Variants in RYR3 observed in about 807,000 individuals in gnomAD.
The protein encoded by RYR3 is brain ryanodine receptor-calcium release channel.
A neutral mutation model predicts 584.3 loss-of-function variants in RYR3; 207 were observed. The observed-to-expected ratio is 0.35, with a 90% CI of 0.32 to 0.40. The LOEUF (loss-of-function observed/expected upper bound fraction) is 0.40, where lower values mean the gene tolerates loss of function less well. RYR3 is among the 10% of genes least tolerant of loss of function. The pLI, the probability that RYR3 is intolerant of heterozygous loss-of-function variation, is 1.00. For synonymous variants in RYR3, 2,416 were observed against 2,248.5 expected, an observed-to-expected ratio of 1.07 and a Z score of -2.11; for missense variants, 5,616 against 6,089.2, an observed-to-expected ratio of 0.92 and a Z score of 2.59.
chr15:33,764,454 CA>C (rs2152874772), intron 60 of RYR3, among the ~76,000 whole-genome samples: 1 of 152,026 alleles, frequency 6.6e-6, no homozygotes, highest in South Asian at 2.1e-4. Context: ...GGAGGGATAG[CA>C]TTAGGAGAAA....
intron 1 of RYR3, among the ~76,000 whole-genome samples, chr15:33,407,523 C>T (rs1230722339): frequency 2.6e-5 from 4 of 152,122 alleles, no homozygotes; most frequent in African/African-American, 9.7e-5. Context: ...TGCCAGATCA[C>T]CTGGGGCCTT....
chr15:33,595,443 A>C (rs192455627), intron 16 of RYR3, among the ~76,000 whole-genome samples: 1 of 152,180 alleles, frequency 6.6e-6, no homozygotes, highest in African/African-American at 2.4e-5. Flanking sequence ...ACAGGGGTCC[A>C]TATACTGGTT....
intron 1 of RYR3, among the ~76,000 whole-genome samples, chr15:33,408,015 T>C (rs1466956294): frequency 6.6e-6 from 1 of 152,070 alleles, no homozygotes; most frequent in Non-Finnish European, 1.5e-5. Context: ...ACTTGAATTT[T>C]TTTTTTTTCC....
In RYR3 at chr15:33,412,017, C is replaced by T. The variant is rs1354605630; in HGVS notation, c.52-61402C>T. 1.3e-5 allele frequency among the ~76,000 whole-genome samples: 2 copies of T among 152,168 alleles called. No homozygotes were observed. ...TTGTCTGTCAAGAAATCTCATATTACTGTGAAGGTAATATCCAACTTAGGT... is the reference window on the plus strand; with the variant it reads ...TTGTCTGTCAAGAAATCTCATATTATTGTGAAGGTAATATCCAACTTAGGT... On this transcript the variant is annotated intron_variant, in intron 1 of 103. Coordinates refer to ENST00000634891, the MANE Select transcript of RYR3 (RefSeq NM_001036.6). This position sits in a 1 kb window ranked among gnomAD's most constrained non-coding sequence, Gnocchi z 4.3.
intron 29 of RYR3, 95 bp from the exon 30 acceptor site, chr15:33,647,329 T>C: frequency 4.2e-6 from 4 of 963,506 alleles, no homozygotes; most frequent in Non-Finnish European, 3.3e-6. Context: ...TTCCTAAACT[T>C]GACTTGATCA....
rs114503170 is a variant in RYR3 at position 33,488,050 on chromosome 15, A to G, written c.171+14512A>G. Among the ~76,000 whole-genome samples, 757 of 152,340 alleles carry G rather than the reference A, an allele frequency of 5.0e-3. 4 individuals are homozygous for G. Among genetic ancestry groups the G allele is most frequent in the African/African-American group, 0.017 (713 of 41,568 alleles). On this transcript the variant is annotated intron_variant, in intron 2 of 103. Transcript: ENST00000634891. ...TGTTGAACCCATAGTAGAAAAGAAA[A>G]AAACATCCACCTTTTAACTCTGAGA...
chr15:33,721,571 A>G (rs78068736), intron 43 of RYR3, among the ~76,000 whole-genome samples: 2 of 152,340 alleles, frequency 1.3e-5, no homozygotes, highest in East Asian at 3.9e-4. Flanking sequence ...TCAAGCTTCC[A>G]GTACATAACA....
intron 1 of RYR3, among the ~76,000 whole-genome samples, chr15:33,381,487 T>C (rs2041187282): frequency 6.6e-6 from 1 of 152,212 alleles, no homozygotes; most frequent in African/African-American, 2.4e-5. Context: ...CCCTGCTGTC[T>C]GTCCTCCACT....
chr15:33,411,660 T>C (rs1038720893), intron 1 of RYR3, among the ~76,000 whole-genome samples: 1 of 152,228 alleles, frequency 6.6e-6, no homozygotes, highest in African/African-American at 2.4e-5. Context: ...CCACTTCCAC[T>C]TCCCCTTAGG....
intron 67 of RYR3, among the ~76,000 whole-genome samples, chr15:33,792,919 C>T (rs1226282396): frequency 1.3e-5 from 2 of 152,272 alleles, no homozygotes; most frequent in Admixed American, 1.3e-4. Context: ...ACAGTAACTA[C>T]GCAGAGTTAG....
intron 1 of RYR3, among the ~76,000 whole-genome samples, chr15:33,388,686 A>G (rs2041794866): frequency 6.6e-6 from 1 of 152,210 alleles, no homozygotes. Flanking sequence ...TCATCATTAT[A>G]TAGACACTGT....
chr15:33,632,220 C>G (rs139952209), intron 23 of RYR3, among the ~76,000 whole-genome samples: 2 of 152,360 alleles, frequency 1.3e-5, no homozygotes, highest in East Asian at 3.9e-4. Context: ...TGGCCCTGGC[C>G]TAGGCAGTCA....
At chr15:33,642,639 T>C (rs1296870820) in intron 27 of RYR3, among the ~76,000 whole-genome samples, 2 of 152,242 alleles carry the variant, frequency 1.3e-5, no homozygotes, top group Non-Finnish European at 2.9e-5. Context: ...TATTCTACAC[T>C]GTAATCAGAT....
chr15:33,352,493 A>G (rs1042344312), intron 1 of RYR3, among the ~76,000 whole-genome samples: 13 of 152,140 alleles, frequency 8.5e-5, no homozygotes, highest in African/African-American at 2.9e-4. Context: ...CAAGCCCACC[A>G]CACTCTGGAG....
chr15:33,679,378 T>A (rs1023366788), intron 38 of RYR3, among the ~76,000 whole-genome samples: 2 of 152,216 alleles, frequency 1.3e-5, no homozygotes, highest in African/African-American at 4.8e-5. Context: ...ACTGGAATTT[T>A]GAGATTTTAT....
chr15:33,859,322 C>T (rs1308165698), intron 99 of RYR3, among the ~76,000 whole-genome samples: 2 of 152,248 alleles, frequency 1.3e-5, no homozygotes, highest in African/African-American at 2.4e-5. Context: ...AACTTATATA[C>T]ACCTTTAATG....
At chr15:33,574,345 A>T (rs1465980913) in intron 12 of RYR3, among the ~76,000 whole-genome samples, 2 of 152,216 alleles carry the variant, frequency 1.3e-5, no homozygotes, top group Non-Finnish European at 2.9e-5. Flanking sequence ...ATTGAGGAAA[A>T]TGTATTCATT....
At chr15:33,342,030 A>G (rs1388370325) in intron 1 of RYR3, among the ~76,000 whole-genome samples, 1 of 152,200 alleles carries the variant, frequency 6.6e-6, no homozygotes, top group Non-Finnish European at 1.5e-5. Flanking sequence ...CTTCATACCT[A>G]CTTAGCTCGA....
chr15:33,557,705 C>T (rs1055958211), intron 10 of RYR3, among the ~76,000 whole-genome samples: 4 of 152,128 alleles, frequency 2.6e-5, no homozygotes, highest in African/African-American at 9.7e-5. Context: ...CTTTCTTCAT[C>T]CTTCCAGGAA....
Sources: allele counts gnomAD v4.1 joint callset (sites outside exome capture counted in the v4.1 genomes callset), GRCh38; gene constraint gnomAD v4.1.1; non-coding constraint Gnocchi (gnomAD v3.1); transcripts MANE v1.5; gene names NCBI Gene and HGNC (gene_info 2026-07-23, HGNC 2026-07-21).